PVT1: variants seen among roughly 807,000 people sequenced by gnomAD.
PVT1 encodes Pvt1 oncogene, also known as CXCR4/PVT1 fusion.
chr8:127,903,060 G>A (rs534260192), intron 3 of PVT1, among the ~76,000 whole-genome samples: 1 of 152,262 alleles, frequency 6.6e-6, no homozygotes, highest in East Asian at 1.9e-4. Flanking sequence ...CCAACAGTGT[G>A]TCAGTGTCTC....
At chr8:128,090,263 C>T (rs897241578) in intron 5 of PVT1, among the ~76,000 whole-genome samples, 1 of 152,194 alleles carries the variant, frequency 6.6e-6, no homozygotes, top group African/African-American at 2.4e-5. Flanking sequence ...GGTAACTCCA[C>T]GCAAGACTGT....
rs77466980 is a variant in PVT1, at chr8:127,949,545, C to T, written n.783-39617C>T. On this transcript the variant is annotated intron_variant and non_coding_transcript_variant, in intron 3 of 10. Coordinates refer to ENST00000651587, the Ensembl canonical transcript of PVT1. ...CCATCAGCATCCTCTCCCTATTCAG[C>T]CACCCCCACCCCCCATCCCTGGTAT... 8.6e-3 allele frequency among the ~76,000 whole-genome samples: 1,307 copies of T among 151,916 alleles called. 15 individuals are homozygous for T. The highest frequency in any genetic ancestry group is 0.03 in the African/African-American group (1,227 of 41,350).
intron 3 of PVT1, among the ~76,000 whole-genome samples, chr8:127,914,620 G>A (rs923416749): frequency 6.6e-6 from 1 of 152,158 alleles, no homozygotes; most frequent in Non-Finnish European, 1.5e-5. Context: ...ATGAGACATT[G>A]ATACATGTTA....
chr8:128,030,689 A>G (rs920454145), intron 4 of PVT1, among the ~76,000 whole-genome samples: 1 of 152,252 alleles, frequency 6.6e-6, no homozygotes, highest in African/African-American at 2.4e-5. Context: ...TCTCCCCAGC[A>G]TCTGCCACAA....
intron 4 of PVT1, among the ~76,000 whole-genome samples, chr8:128,058,456 T>C (rs1813788671): frequency 6.6e-6 from 1 of 152,016 alleles, no homozygotes; most frequent in Non-Finnish European, 1.5e-5. Context: ...ATAGCTCTTC[T>C]ACTAAATACA....
At chr8:127,833,334 A>T (rs1252664456) in intron 2 of PVT1, among the ~76,000 whole-genome samples, 1 of 152,122 alleles carries the variant, frequency 6.6e-6, no homozygotes, top group Non-Finnish European at 1.5e-5. Context: ...GGCTGCAGTG[A>T]TGGTGTCTGC....
At chr8:128,002,549 A>C (rs1817192828) in intron 4 of PVT1, among the ~76,000 whole-genome samples, 1 of 152,080 alleles carries the variant, frequency 6.6e-6, no homozygotes, top group Non-Finnish European at 1.5e-5. Context: ...TGCCCAGAAA[A>C]ATCCTCCCTT....
chr8:127,877,149 C>T (rs776806993), intron 2 of PVT1, among the ~76,000 whole-genome samples: 15 of 152,142 alleles, frequency 9.9e-5, no homozygotes, highest in Non-Finnish European at 2.1e-4. Flanking sequence ...CCTGAGACAG[C>T]GGGAGCTCAG....
intron 2 of PVT1, among the ~76,000 whole-genome samples, chr8:127,851,523 A>G (rs949124000): frequency 6.6e-6 from 1 of 152,140 alleles, no homozygotes; most frequent in Non-Finnish European, 1.5e-5. Context: ...CCCAGCCCAG[A>G]GCCTAGCACC....
At chr8:128,012,957 C>T (rs1817330458) in intron 4 of PVT1, among the ~76,000 whole-genome samples, 1 of 152,176 alleles carries the variant, frequency 6.6e-6, no homozygotes, top group Non-Finnish European at 1.5e-5. Context: ...GGCAGGTTTG[C>T]ACATTCAGGT....
intron 4 of PVT1, among the ~76,000 whole-genome samples, chr8:128,039,875 A>T (rs560564006): frequency 7.2e-5 from 11 of 152,216 alleles, no homozygotes; most frequent in Non-Finnish European, 5.9e-5. Flanking sequence ...TTCAGAATAT[A>T]TCTCAAAGGT....
At chr8:127,919,597 A>C (rs1027727115) in intron 3 of PVT1, among the ~76,000 whole-genome samples, 1 of 152,138 alleles carries the variant, frequency 6.6e-6, no homozygotes, top group Admixed American at 6.5e-5. Context: ...CGACTGTGGC[A>C]TAGGGTGGTG....
At chr8:128,000,048 C>A (rs984995231) in intron 4 of PVT1, among the ~76,000 whole-genome samples, 2 of 152,200 alleles carry the variant, frequency 1.3e-5, no homozygotes, top group Non-Finnish European at 1.5e-5. Flanking sequence ...TGTGCCCTTG[C>A]TGGTTTCTGG....
At chr8:127,940,033 G>A (rs1737550779) in intron 3 of PVT1, 1 of 152,118 alleles carries the variant, frequency 6.6e-6, no homozygotes, top group Admixed American at 6.6e-5. Context: ...CTAGACACGG[G>A]GGACAACAGT....
intron 3 of PVT1, among the ~76,000 whole-genome samples, chr8:127,956,551 C>T (rs569643577): frequency 6.6e-6 from 1 of 152,254 alleles, no homozygotes; most frequent in African/African-American, 2.4e-5. Flanking sequence ...GTGGCGTGAT[C>T]TCGGCTCACT....
intron 2 of PVT1, among the ~76,000 whole-genome samples, chr8:127,864,640 C>T (rs1267041770): frequency 2.6e-5 from 4 of 152,092 alleles, no homozygotes; most frequent in Admixed American, 1.3e-4. Flanking sequence ...CTCCGCCTCC[C>T]GGGTTCACGC....
chr8:127,976,693 G>A (rs887529271), intron 3 of PVT1, among the ~76,000 whole-genome samples: 3 of 152,136 alleles, frequency 2.0e-5, no homozygotes, highest in African/African-American at 4.8e-5. Context: ...ACACTTTGGG[G>A]GCTCTGTATC....
chr8:127,903,316 C>T (rs927343181), intron 3 of PVT1, among the ~76,000 whole-genome samples: 12 of 152,194 alleles, frequency 7.9e-5, no homozygotes, highest in Admixed American at 1.3e-4. Flanking sequence ...AGTTCCTTAT[C>T]GATTCTGGAT....
At chr8:127,819,386 A>G (rs1814704745) in intron 2 of PVT1, among the ~76,000 whole-genome samples, 1 of 152,172 alleles carries the variant, frequency 6.6e-6, no homozygotes, top group African/African-American at 2.4e-5. Context: ...CTGCATCTGT[A>G]TTCAACCTGT....
Sources: allele counts gnomAD v4.1 joint callset (sites outside exome capture counted in the v4.1 genomes callset), GRCh38; gene constraint gnomAD v4.1.1; transcripts MANE v1.5; gene names NCBI Gene and HGNC (gene_info 2026-07-23, HGNC 2026-07-21).